Variants in TMEM192 observed in about 807,000 individuals in gnomAD.
TMEM192 encodes transmembrane protein 192.
Under a neutral mutation model 26.7 loss-of-function variants are expected in TMEM192, and 20 were observed. The observed-to-expected ratio is 0.75, with a 90% CI of 0.53 to 1.09. The LOEUF (loss-of-function observed/expected upper bound fraction) is 1.09, where lower values mean the gene tolerates loss of function less well. Among genes scored for constraint, TMEM192 ranks in the 50% least tolerant of loss-of-function variants. The probability of loss-of-function intolerance (pLI) is 0.00; values close to 1 mark genes in which losing one functional copy is unlikely to be tolerated. For synonymous variants in TMEM192, 124 were observed against 121.0 expected, an observed-to-expected ratio of 1.02 and a Z score of -0.16; for missense variants, 304 against 322.6, an observed-to-expected ratio of 0.94 and a Z score of 0.44.
At position 165,088,518 on chromosome 4, in the gene TMEM192, A is replaced by T. The variant is rs200592237; in HGVS notation, c.524T>A (p.Ile175Asn). ...GGAACAGATGAGTTCCAGTGCCAAG[A>T]TGGCCAGAATGAGGTCAAGATACAA... is the stretch of plus-strand genomic sequence containing the variant. The part of the protein sequence containing the change: ...GRLYLDLILA[I>N]LALELICSLI... The change falls in exon 4 of 6, where the codon ATC (isoleucine) becomes AAC (asparagine). Residue 175 changes from isoleucine (I) to asparagine (N), a missense_variant. Physicochemically the swap from Ile to Asn is moderately radical, Grantham distance 149. Transcript: ENST00000306480. The T allele has an allele frequency of 1.5e-5, 24 of 1,613,730 alleles. No homozygotes were observed. The East Asian group carries it at 5.1e-4, about 34-fold the overall frequency.
Position 165,100,623 on chromosome 4 carries a change from C to T in TMEM192, c.439+5G>A. Reference sequence around the variant, plus strand: ...CCCAAGTAGCTGAGAGAAAATTGGACATACCAGAGGACTGTATCATCAACG... The same window carrying T: ...CCCAAGTAGCTGAGAGAAAATTGGATATACCAGAGGACTGTATCATCAACG... On this transcript the variant is annotated splice_donor_5th_base_variant and intron_variant, in intron 3 of 5. Transcript: ENST00000306480. 1 of 1,609,044 alleles carries T rather than the reference C, an allele frequency of 6.2e-7. No homozygotes were observed. Among genetic ancestry groups the T allele is most frequent in the East Asian group, 2.2e-5 (1 of 44,818 alleles).
At chr4:165,090,199 G>A (rs888883097) in intron 3 of TMEM192, among the ~76,000 whole-genome samples, 15 of 102,016 alleles carry the variant, frequency 1.5e-4, no homozygotes, top group East Asian at 3.6e-4. Flanking sequence ...CAACAAGAGC[G>A]AAACTCCGTC....
At chr4:165,096,628 T>C (rs776210454) in intron 3 of TMEM192, among the ~76,000 whole-genome samples, 43 of 122,452 alleles carry the variant, frequency 3.5e-4, no homozygotes, top group Non-Finnish European at 5.4e-4. Flanking sequence ...CATAGATTTA[T>C]CTTTTTTTTT....
At chr4:165,101,038 G>A (rs1328576303) in intron 2 of TMEM192, 146 bp from the exon 3 acceptor site, 20 of 833,612 alleles carry the variant, frequency 2.4e-5, no homozygotes, top group African/African-American at 9.3e-5. Flanking sequence ...GTGCAGTGGC[G>A]CAATCTCGGC....
At chr4:165,105,129 T>A (rs527879274) in intron 1 of TMEM192, among the ~76,000 whole-genome samples, 1 of 152,310 alleles carries the variant, frequency 6.6e-6, no homozygotes, top group African/African-American at 2.4e-5. Context: ...CCTGTGATGG[T>A]CTCTTACTTA....
At chr4:165,084,966 ACT>A (rs2110744734) in intron 5 of TMEM192, among the ~76,000 whole-genome samples, 1 of 151,116 alleles carries the variant, frequency 6.6e-6, no homozygotes, top group African/African-American at 2.4e-5. Context: ...ATACAGAGAG[ACT>A]CTATCCCTTA....
Position 165,074,459 on chromosome 4 carries a change from T to C in TMEM192, c.*5199A>G, listed in dbSNP as rs1734331065. On this transcript the variant is annotated 3_prime_UTR_variant, in exon 6 of 6. Transcript: ENST00000306480. ...CAAGATTTATTTATTTATTTATTTA[T>C]TTATTGAGACAGAGTCTCGCTCTGT... 6.6e-6 allele frequency: 1 copy of C among 152,128 alleles called. No individual in the cohort carries two copies. Among genetic ancestry groups the C allele is most frequent in the South Asian group, 2.1e-4 (1 of 4,820 alleles). The allele number at this position is 152,128 out of a possible 1,614,324, so 9.4% of individuals were successfully genotyped here.
At position 165,075,391 on chromosome 4, in the gene TMEM192, C is replaced by T. The variant is rs28594328; in HGVS notation, c.*4267G>A. 125,734 of 151,066 alleles carry T rather than the reference C, an allele frequency of 0.83. 53,627 individuals carry two copies. The highest frequency in any genetic ancestry group is 0.95 in the East Asian group (4,825 of 5,096). The allele number at this position is 151,066 out of a possible 1,614,324, so 9.4% of individuals were successfully genotyped here. A position where few individuals can be genotyped will look rare whatever the true frequency, so the allele number is the denominator to read the frequency against. On this transcript the variant is annotated 3_prime_UTR_variant, in exon 6 of 6. Coordinates refer to ENST00000306480, the MANE Select transcript of TMEM192 (RefSeq NM_001100389.2). The stretch of plus-strand genomic sequence containing the variant: ...TCCTGAGTAGCTGGGATTACAGGCG[C>T]GCACCACCACACCCAGCTAATGTTG...
rs758225347 is a variant in TMEM192, at chr4:165,085,571, T to C, written c.677+15A>G. 8 of 1,552,770 alleles carry C rather than the reference T, an allele frequency of 5.2e-6. No homozygotes were observed. The highest frequency in any genetic ancestry group is 1.4e-5 in the African/African-American group (1 of 72,374). On this transcript the variant is annotated intron_variant, in intron 5 of 5. Transcript: ENST00000306480. ...GGGAAAAAACTCAATTATTTTATTC[T>C]CACCTAAATCTTACCTGAATCCAGT...
chr4:165,100,917 T>C, intron 2 of TMEM192, 25 bp from the exon 3 acceptor site: 2 of 1,579,456 alleles, frequency 1.3e-6, no homozygotes, highest in East Asian at 2.3e-5. Flanking sequence ...AGCAGAAAGA[T>C]TAATATTCAA....
intron 3 of TMEM192, among the ~76,000 whole-genome samples, chr4:165,097,493 CAAAAA>C (rs60822491): frequency 1.0e-4 from 6 of 58,998 alleles, no homozygotes; most frequent in African/African-American, 3.6e-4. Flanking sequence ...GACTCCATCT[CAAAAA>C]AAAAAAAAAA....
At chr4:165,085,737 G>C (rs1398993974) in intron 4 of TMEM192, 49 bp from the exon 5 acceptor site, 1 of 1,369,786 alleles carries the variant, frequency 7.3e-7, no homozygotes, top group Admixed American at 2.1e-5. Flanking sequence ...GACAAGTCTA[G>C]TTTCATTTTT....
intron 1 of TMEM192, among the ~76,000 whole-genome samples, chr4:165,106,855 G>A (rs961344955): frequency 6.6e-6 from 1 of 152,048 alleles, no homozygotes; most frequent in African/African-American, 2.4e-5. Context: ...GTAATCTTGT[G>A]AGCTAATTCT....
intron 4 of TMEM192, among the ~76,000 whole-genome samples, chr4:165,086,728 G>C (rs1267311852): frequency 6.6e-6 from 1 of 151,886 alleles, no homozygotes; most frequent in Non-Finnish European, 1.5e-5. Context: ...CCCGGCCTAA[G>C]ACATTTAGAT....
intron 2 of TMEM192, among the ~76,000 whole-genome samples, chr4:165,102,036 A>G (rs1196676358): frequency 6.6e-6 from 1 of 152,230 alleles, no homozygotes; most frequent in African/African-American, 2.4e-5. Context: ...TAGTGCTTCC[A>G]ACTGCAATCG....
At chr4:165,111,013 C>T (rs1238165075) in intron 1 of TMEM192, among the ~76,000 whole-genome samples, 1 of 152,170 alleles carries the variant, frequency 6.6e-6, no homozygotes, top group East Asian at 1.9e-4. Context: ...TTACAAAATA[C>T]CAAAAGCAGG....
intron 3 of TMEM192, among the ~76,000 whole-genome samples, chr4:165,092,881 A>C (rs1198724182): frequency 6.6e-6 from 1 of 151,854 alleles, no homozygotes; most frequent in Admixed American, 6.6e-5. Context: ...TAGGCAACAG[A>C]GCGAGACCTT....
At chr4:165,106,724 G>A (rs1735168191) in intron 1 of TMEM192, among the ~76,000 whole-genome samples, 2 of 152,150 alleles carry the variant, frequency 1.3e-5, no homozygotes, top group Admixed American at 6.5e-5. Flanking sequence ...TCAGGCCTTC[G>A]GCTGCCGACT....
intron 1 of TMEM192, among the ~76,000 whole-genome samples, chr4:165,105,826 C>T (rs774558732): frequency 3.9e-5 from 6 of 152,110 alleles, no homozygotes; most frequent in South Asian, 2.1e-4. Flanking sequence ...ACTTGCACCC[C>T]GCTATGGTCT....
Sources: allele counts gnomAD v4.1 joint callset (sites outside exome capture counted in the v4.1 genomes callset), GRCh38; gene constraint gnomAD v4.1.1; transcripts MANE v1.5; gene names NCBI Gene and HGNC (gene_info 2026-07-23, HGNC 2026-07-21).